CDH8: variants seen among roughly 807,000 people sequenced by gnomAD.
The protein encoded by CDH8 is cadherin-8.
Under a neutral mutation model 68.1 loss-of-function variants are expected in CDH8, and 17 were observed. The observed-to-expected ratio is 0.25, with a 90% CI of 0.17 to 0.37. The LOEUF is 0.37. Among genes scored for constraint, CDH8 ranks in the 10% least tolerant of loss-of-function variants. The pLI is 1.00. For synonymous variants in CDH8, 372 were observed against 365.1 expected (o/e 1.02, Z -0.21); for missense variants, 763 against 999.3 (o/e 0.76, Z 3.19).
chr16:61,771,454 C>T lies in CDH8; in HGVS notation c.1414+17892G>A, dbSNP rs1333055928. Reference sequence around the variant, plus strand: ...CCTCACACACAAATCTAATGACAAGCTGTATTTAAAAGCCAGCCAAAAAAA... The same window carrying T: ...CCTCACACACAAATCTAATGACAAGTTGTATTTAAAAGCCAGCCAAAAAAA... On this transcript the variant is annotated intron_variant, in intron 8 of 11. Transcript: ENST00000577390. Among the ~76,000 whole-genome samples, 5 of 114,110 alleles carry T rather than the reference C, an allele frequency of 4.4e-5. No individual in the cohort carries two copies. The Admixed American group carries it at 4.6e-4, about 10-fold the overall frequency. 74.9% of individuals were successfully genotyped at this position (114,110 alleles called of 152,430 possible).
At chr16:61,845,306 C>A (rs1962780564) in intron 4 of CDH8, among the ~76,000 whole-genome samples, 1 of 151,926 alleles carries the variant, frequency 6.6e-6, no homozygotes, top group African/African-American at 2.4e-5. Context: ...ATAAACGGCA[C>A]AATTAGGCAA....
intron 8 of CDH8, among the ~76,000 whole-genome samples, chr16:61,750,599 G>T (rs1960135360): frequency 6.6e-6 from 1 of 152,026 alleles, no homozygotes; most frequent in Non-Finnish European, 1.5e-5. Context: ...TAAGCAGGTT[G>T]ACTCTAGTTT....
chr16:61,858,264 G>A (rs1466192837), intron 3 of CDH8, among the ~76,000 whole-genome samples: 2 of 152,108 alleles, frequency 1.3e-5, no homozygotes, highest in African/African-American at 2.4e-5. Flanking sequence ...TTCTAACAGA[G>A]GTTGCCTTTG....
intron 2 of CDH8, among the ~76,000 whole-genome samples, chr16:62,005,533 C>T (rs1965960299): frequency 6.6e-6 from 1 of 151,378 alleles, no homozygotes; most frequent in African/African-American, 2.4e-5. Flanking sequence ...GACAGGAGAT[C>T]GAGACCATCC....
chr16:61,953,868 C>T (rs1373362213), intron 2 of CDH8, among the ~76,000 whole-genome samples: 1 of 134,492 alleles, frequency 7.4e-6, no homozygotes, highest in Non-Finnish European at 1.5e-5. Flanking sequence ...CAGAGTGAGA[C>T]TCTGTCTCAA....
At chr16:61,671,642 T>TC (rs1293470207) in intron 10 of CDH8, among the ~76,000 whole-genome samples, 6 of 151,996 alleles carry the variant, frequency 3.9e-5, no homozygotes. Flanking sequence ...GGAAGGCAGT[T>TC]ATGTAGATAA....
intron 7 of CDH8, among the ~76,000 whole-genome samples, chr16:61,801,275 C>T (rs1440193930): frequency 4.6e-5 from 7 of 152,146 alleles, no homozygotes; most frequent in African/African-American, 1.7e-4. Flanking sequence ...GTATACCACA[C>T]TGATAATATT....
chr16:61,855,713 A>C (rs1288558757), intron 4 of CDH8, among the ~76,000 whole-genome samples: 1 of 152,136 alleles, frequency 6.6e-6, no homozygotes, highest in African/African-American at 2.4e-5. Flanking sequence ...CATAGTTATT[A>C]CCTATTAAAC....
At chr16:61,856,375 T>G (rs908178349) in intron 4 of CDH8, among the ~76,000 whole-genome samples, 1 of 152,134 alleles carries the variant, frequency 6.6e-6, no homozygotes, top group Non-Finnish European at 1.5e-5. Context: ...CAAAATATGT[T>G]TGATCTCTTA....
At position 61,713,961 on chromosome 16, in the gene CDH8, G is replaced by A. The variant is rs1964675807; in HGVS notation, c.1537-3C>T. On this transcript the variant is annotated splice_polypyrimidine_tract_variant and splice_region_variant and intron_variant, in intron 9 of 11. Transcript: ENST00000577390. Reference sequence around the variant, plus strand: ...ATGGCGCTAACAGTTTGAATGACCTGAAACATAAAACTTGACGTCAGCATT... The same window carrying A: ...ATGGCGCTAACAGTTTGAATGACCTAAAACATAAAACTTGACGTCAGCATT... 3 of 1,554,276 alleles carry A rather than the reference G, an allele frequency of 1.9e-6. No homozygotes were observed. The highest frequency in any genetic ancestry group is 4.5e-5 in the East Asian group (2 of 44,448).
chr16:61,770,073 T>C (rs2142984561), intron 8 of CDH8, among the ~76,000 whole-genome samples: 1 of 151,904 alleles, frequency 6.6e-6, no homozygotes, highest in East Asian at 1.9e-4. Flanking sequence ...CTTTATTACA[T>C]CTATGGGCTT....
intron 8 of CDH8, among the ~76,000 whole-genome samples, chr16:61,773,617 T>C (rs1960834414): frequency 1.3e-5 from 2 of 151,734 alleles, no homozygotes; most frequent in Admixed American, 1.3e-4. Flanking sequence ...TTCTCATCAT[T>C]CCTCCAAGGA....
In CDH8 at chr16:61,780,317, T is replaced by C. The variant is rs78580780; in HGVS notation, c.1414+9029A>G. On this transcript the variant is annotated intron_variant, in intron 8 of 11. Transcript: ENST00000577390. Reference sequence around the variant, plus strand: ...GACATCTGCCTGCCAGCTCATGTGATAAGATGTGCCAGTTGATCAGGATAA... The same window carrying C: ...GACATCTGCCTGCCAGCTCATGTGACAAGATGTGCCAGTTGATCAGGATAA... 8.0e-3 allele frequency among the ~76,000 whole-genome samples: 1,220 copies of C among 152,298 alleles called. 18 individuals carry two copies. Among genetic ancestry groups the C allele is most frequent in the African/African-American group, 0.028 (1,148 of 41,562 alleles).
chr16:61,914,057 A>G (rs1322810969), intron 2 of CDH8, among the ~76,000 whole-genome samples: 1 of 152,118 alleles, frequency 6.6e-6, no homozygotes, highest in African/African-American at 2.4e-5. Context: ...AAGAAGAGGT[A>G]ATTTGGACCC....
At chr16:61,912,999 T>C (rs1964185212) in intron 2 of CDH8, among the ~76,000 whole-genome samples, 1 of 152,200 alleles carries the variant, frequency 6.6e-6, no homozygotes. Flanking sequence ...GTGTAATAAC[T>C]ACTTACATAG....
At chr16:61,889,240 T>C (rs910782765) in intron 3 of CDH8, among the ~76,000 whole-genome samples, 4 of 152,132 alleles carry the variant, frequency 2.6e-5, no homozygotes, top group Non-Finnish European at 5.9e-5. Context: ...CATGTGAAAT[T>C]ACTGGTGGGG....
chr16:61,823,094 A>T (rs1000041639), intron 5 of CDH8, among the ~76,000 whole-genome samples: 6 of 151,824 alleles, frequency 4.0e-5, no homozygotes, highest in Admixed American at 3.3e-4. Flanking sequence ...GGTGTTCTCC[A>T]TTTCAATAAT....
intron 2 of CDH8, among the ~76,000 whole-genome samples, chr16:62,016,423 G>T (rs1443441297): frequency 6.6e-6 from 1 of 152,144 alleles, no homozygotes; most frequent in Non-Finnish European, 1.5e-5. Context: ...GTCCTGACTT[G>T]CAGCCAAGGG....
intron 8 of CDH8, among the ~76,000 whole-genome samples, chr16:61,742,219 G>A (rs899811930): frequency 2.0e-5 from 3 of 152,016 alleles, no homozygotes; most frequent in Non-Finnish European, 2.9e-5. Flanking sequence ...TGACAACCAT[G>A]CAAACTTGAC....
Sources: gnomAD v4.1 joint callset for allele counts (sites outside exome capture counted in the v4.1 genomes callset) on GRCh38, gnomAD v4.1.1 for gene constraint, MANE v1.5 for transcripts, NCBI Gene and HGNC (gene_info 2026-07-23, HGNC 2026-07-21) for gene names.